The following FMN2 variants were observed in gnomAD, a reference collection of about 807,000 sequenced individuals.
FMN2 encodes the protein formin-2.
A neutral mutation model predicts 142.3 loss-of-function variants in FMN2; 51 were observed. The observed-to-expected ratio is 0.36, with a 90% CI of 0.29 to 0.45. FMN2 has a LOEUF of 0.45. Among genes scored for constraint, FMN2 ranks in the 20% least tolerant of loss-of-function variants. The pLI is 1.00. For synonymous variants in FMN2, 882 were observed against 869.8 expected (o/e 1.01, Z -0.25); for missense variants, 1,936 against 2,122.8 (o/e 0.91, Z 1.73).
At chr1:240,336,553 CAAAAAA>C (rs552135436) in intron 13 of FMN2, among the ~76,000 whole-genome samples, 18 of 50,526 alleles carry the variant, frequency 3.6e-4, no homozygotes, top group African/African-American at 7.3e-4. Flanking sequence ...TGGTATTCTC[CAAAAAA>C]AAAAAAAAAA....
At chr1:240,348,692 G>A (rs563921826) in intron 13 of FMN2, among the ~76,000 whole-genome samples, 8 of 152,186 alleles carry the variant, frequency 5.3e-5, no homozygotes, top group Non-Finnish European at 8.8e-5. Flanking sequence ...CTGACCTTCC[G>A]TTCAATTACC....
intron 8 of FMN2, among the ~76,000 whole-genome samples, chr1:240,319,310 T>C (rs1670890644): frequency 6.6e-6 from 1 of 152,046 alleles, no homozygotes; most frequent in Admixed American, 6.6e-5. Context: ...CATTATGAAA[T>C]TGGAGAGAAA....
At chr1:240,423,137 G>A (rs1365901643) in intron 15 of FMN2, among the ~76,000 whole-genome samples, 1 of 151,992 alleles carries the variant, frequency 6.6e-6, no homozygotes, top group Non-Finnish European at 1.5e-5. Flanking sequence ...ATATCTTTGT[G>A]CTTTTTAGAA....
chr1:240,142,027 G>A (rs549458937), intron 2 of FMN2, among the ~76,000 whole-genome samples: 74 of 152,274 alleles, frequency 4.9e-4, no homozygotes, highest in African/African-American at 1.7e-3. Context: ...TTCTGAAGTC[G>A]CTACATGAGA....
At chr1:240,233,350 A>G (rs1034651319) in intron 6 of FMN2, among the ~76,000 whole-genome samples, 2 of 151,092 alleles carry the variant, frequency 1.3e-5, no homozygotes, top group East Asian at 3.9e-4. Context: ...GCACCACTGC[A>G]CTCCAGCCTG....
intron 8 of FMN2, among the ~76,000 whole-genome samples, chr1:240,326,662 C>T (rs1230171573): frequency 1.3e-5 from 2 of 151,764 alleles, no homozygotes; most frequent in East Asian, 3.9e-4. Flanking sequence ...GGTGTCTAAA[C>T]AAAATCAAAC....
intron 2 of FMN2, among the ~76,000 whole-genome samples, chr1:240,139,576 CA>C (rs1045588432): frequency 6.6e-6 from 1 of 151,686 alleles, no homozygotes; most frequent in Non-Finnish European, 1.5e-5. Flanking sequence ...GACAAAAAAA[CA>C]AGATATTTTT....
At chr1:240,371,786 T>C (rs548224364) in intron 14 of FMN2, among the ~76,000 whole-genome samples, 1 of 152,314 alleles carries the variant, frequency 6.6e-6, no homozygotes, top group East Asian at 1.9e-4. Flanking sequence ...TTGAGTGTGT[T>C]TGTTGTACGT....
At chr1:240,392,687 A>G in intron 15 of FMN2, 125 bp downstream of exon 15, 1 of 710,498 alleles carries the variant, frequency 1.4e-6, no homozygotes, top group Non-Finnish European at 2.3e-6. Context: ...ATCTAATAAA[A>G]TGGTGTGCTC....
At chr1:240,311,200 G>T (rs1329797765) in intron 8 of FMN2, among the ~76,000 whole-genome samples, 1 of 152,264 alleles carries the variant, frequency 6.6e-6, no homozygotes, top group South Asian at 2.1e-4. Context: ...GATTACTAGG[G>T]TAGTAGTTGA....
intron 3 of FMN2, among the ~76,000 whole-genome samples, chr1:240,187,216 GC>G (rs1665505589): frequency 1.4e-5 from 2 of 144,000 alleles, no homozygotes; most frequent in South Asian, 4.4e-4. Context: ...GTTGCAGTGA[GC>G]CAAGATCGCG....
Position 240,188,237 on chromosome 1 carries a change from A to C in FMN2, c.1961A>C (p.Gln654Pro), listed in dbSNP as rs1665562775. Residue 654 changes from glutamine to proline, a missense_variant, in exon 4 of 18, where the codon CAA becomes CCA. Gln to Pro is a moderately conservative substitution (Grantham distance 76, BLOSUM62 -1). Transcript: ENST00000319653. The stretch of plus-strand genomic sequence containing the variant: ...CAATCTGCTGTTTCAGAAACTCCCC[A>C]AAAACGCTCAGATGCTGTCCAGAAG... ...ESQSAVSETP[Q>P]KRSDAVQKEV... 1 of 1,613,852 alleles carries C rather than the reference A, an allele frequency of 6.2e-7. No individual in the cohort carries two copies. The highest frequency in any genetic ancestry group is 8.5e-7 in the Non-Finnish European group (1 of 1,179,864).
At chr1:240,441,608 C>CTTTTTTTTT (rs371621331) in intron 16 of FMN2, among the ~76,000 whole-genome samples, 8 of 125,130 alleles carry the variant, frequency 6.4e-5, no homozygotes, top group African/African-American at 2.1e-4. Flanking sequence ...GCATATTGGT[C>CTTTTTTTTT]TTTTTTTTTT....
intron 16 of FMN2, among the ~76,000 whole-genome samples, chr1:240,444,562 C>T (rs1430421713): frequency 6.6e-6 from 1 of 152,132 alleles, no homozygotes; most frequent in Non-Finnish European, 1.5e-5. Flanking sequence ...TACTTTGAGA[C>T]AGGTAGTCTT....
intron 16 of FMN2, among the ~76,000 whole-genome samples, chr1:240,455,962 G>A (rs752844934): frequency 2.7e-5 from 4 of 148,048 alleles, no homozygotes; most frequent in Non-Finnish European, 5.9e-5. Flanking sequence ...GTGACGGAGC[G>A]AGACTGTCTC....
At chr1:240,438,312 G>A (rs1324058625) in intron 16 of FMN2, 102 bp downstream of exon 16, 1 of 1,273,596 alleles carries the variant, frequency 7.9e-7, no homozygotes, top group Non-Finnish European at 1.1e-6. Flanking sequence ...AAAATTAGAT[G>A]GCCCTCAACC....
chr1:240,152,546 T>C (rs1351591261), intron 2 of FMN2, among the ~76,000 whole-genome samples: 1 of 152,152 alleles, frequency 6.6e-6, no homozygotes, highest in Non-Finnish European at 1.5e-5. Flanking sequence ...GGTAGACTCA[T>C]ACATACCACG....
In FMN2 at chr1:240,321,249, A is replaced by G. The variant is rs1670962134; in HGVS notation, c.4216-7827A>G. On this transcript the variant is annotated intron_variant, in intron 8 of 17. Transcript: ENST00000319653. Reference sequence around the variant, plus strand: ...ATATTTGCTAGACATTTTCTTGAACAAAGTAAGCCAGTTACGTCAAGGAAA... The same window carrying G: ...ATATTTGCTAGACATTTTCTTGAACGAAGTAAGCCAGTTACGTCAAGGAAA... 2.0e-5 allele frequency among the ~76,000 whole-genome samples: 3 copies of G among 152,154 alleles called. No homozygotes were observed. The South Asian group carries it at 6.2e-4, about 32-fold the overall frequency.
intron 1 of FMN2, among the ~76,000 whole-genome samples, chr1:240,101,996 A>G (rs938989463): frequency 3.3e-5 from 5 of 151,988 alleles, no homozygotes; most frequent in African/African-American, 1.2e-4. Flanking sequence ...TAGGCTTTGA[A>G]TTTTTCATTA....
Sources: allele counts gnomAD v4.1 joint callset (sites outside exome capture counted in the v4.1 genomes callset), GRCh38; gene constraint gnomAD v4.1.1; transcripts MANE v1.5; gene names NCBI Gene and HGNC (gene_info 2026-07-23, HGNC 2026-07-21).